NELL1: variants seen among roughly 807,000 people sequenced by gnomAD.
The protein encoded by NELL1 is neural EGFL like 1.
NELL1 carries 76 observed loss-of-function variants against 107.4 expected under a neutral mutation model. That is an observed-to-expected ratio of 0.71 (90% CI 0.59 to 0.86). NELL1 has a LOEUF of 0.86. Among genes scored for constraint, NELL1 ranks in the 40% least tolerant of loss-of-function variants. The pLI is 0.00. For missense variants in NELL1, 1,024 were observed against 1,005.5 expected (o/e 1.02, Z -0.25); for synonymous variants, 353 against 341.2 (o/e 1.03, Z -0.38).
chr11:21,043,870 G>A (rs559056406), intron 12 of NELL1, among the ~76,000 whole-genome samples: 2 of 152,286 alleles, frequency 1.3e-5, no homozygotes, highest in East Asian at 3.9e-4. Flanking sequence ...AGATAATGGA[G>A]TCACTTTGAG....
intron 2 of NELL1, among the ~76,000 whole-genome samples, chr11:20,698,146 C>T (rs1264315118): frequency 6.6e-6 from 1 of 152,142 alleles, no homozygotes; most frequent in Non-Finnish European, 1.5e-5. Context: ...AATTCACATA[C>T]CAGTGTCTCC....
rs539218916 is a variant in NELL1, at chr11:21,173,363, G to T, written c.1427-55969G>T. Among the ~76,000 whole-genome samples the T allele has an allele frequency of 2.6e-3, 395 of 151,864 alleles. 9 individuals carry two copies. Among genetic ancestry groups the T allele is most frequent in the African/African-American group, 9.3e-3 (383 of 41,216 alleles). ...TAGTTCTCTGCTTTGCTTATAATTAGGAATGCACAGGGCTATCAGATTTAC... is the reference window on the plus strand; with the variant it reads ...TAGTTCTCTGCTTTGCTTATAATTATGAATGCACAGGGCTATCAGATTTAC... On this transcript the variant is annotated intron_variant, in intron 13 of 19. Coordinates refer to ENST00000357134, the MANE Select transcript of NELL1 (RefSeq NM_006157.5).
chr11:21,509,402 C>T (rs533457777), intron 15 of NELL1, among the ~76,000 whole-genome samples: 1 of 152,236 alleles, frequency 6.6e-6, no homozygotes, highest in East Asian at 1.9e-4. Context: ...TATAAAAGAA[C>T]ATATGAGCAG....
intron 12 of NELL1, among the ~76,000 whole-genome samples, chr11:21,099,950 G>A (rs1854763124): frequency 6.6e-6 from 1 of 151,792 alleles, no homozygotes; most frequent in Non-Finnish European, 1.5e-5. Context: ...AAATCAATGG[G>A]ATTTCAGTAT....
chr11:21,276,760 T>C (rs1399398315), intron 14 of NELL1, among the ~76,000 whole-genome samples: 1 of 152,212 alleles, frequency 6.6e-6, no homozygotes, highest in South Asian at 2.1e-4. Context: ...TACAACCATC[T>C]GATCTTTGAC....
At chr11:20,975,430 T>A (rs1356340665) in intron 12 of NELL1, among the ~76,000 whole-genome samples, 1 of 151,150 alleles carries the variant, frequency 6.6e-6, no homozygotes, top group East Asian at 1.9e-4. Flanking sequence ...CACTGTTTAT[T>A]GTATGATTAG....
chr11:21,082,043 C>G (rs1347916319), intron 12 of NELL1, among the ~76,000 whole-genome samples: 1 of 152,136 alleles, frequency 6.6e-6, no homozygotes, highest in African/African-American at 2.4e-5. Context: ...CTAACAGCAA[C>G]TTGAACTATT....
intron 15 of NELL1, among the ~76,000 whole-genome samples, chr11:21,518,400 G>A (rs552928641): frequency 6.6e-6 from 1 of 152,058 alleles, no homozygotes; most frequent in Non-Finnish European, 1.5e-5. Context: ...ATTTGGAGGT[G>A]AATTATCTTA....
intron 6 of NELL1, among the ~76,000 whole-genome samples, chr11:20,918,755 G>A (rs1850313707): frequency 6.6e-6 from 1 of 151,916 alleles, no homozygotes; most frequent in African/African-American, 2.4e-5. Context: ...GGGAATTATG[G>A]GAGCTACAAT....
At chr11:21,116,004 C>A (rs1855227120) in intron 13 of NELL1, among the ~76,000 whole-genome samples, 1 of 151,888 alleles carries the variant, frequency 6.6e-6, no homozygotes, top group African/African-American at 2.4e-5. Context: ...AACAAAACTT[C>A]TTAATTTGCC....
At chr11:21,421,848 A>C (rs936061969) in intron 15 of NELL1, among the ~76,000 whole-genome samples, 1 of 152,220 alleles carries the variant, frequency 6.6e-6, no homozygotes, top group African/African-American at 2.4e-5. Context: ...GATACATTAT[A>C]ATCAAACCGT....
At chr11:20,968,355 G>GA (rs1205891594) in intron 12 of NELL1, among the ~76,000 whole-genome samples, 1 of 136,954 alleles carries the variant, frequency 7.3e-6, no homozygotes, top group Non-Finnish European at 1.5e-5. Context: ...CTTAAAGAAA[G>GA]AAAGGAAGGA....
chr11:21,411,096 T>C (rs1254219808), intron 15 of NELL1, among the ~76,000 whole-genome samples: 1 of 152,070 alleles, frequency 6.6e-6, no homozygotes, highest in East Asian at 1.9e-4. Context: ...TCAAGGGAGA[T>C]ATAGCACTTT....
At chr11:21,011,138 A>G (rs1017787323) in intron 12 of NELL1, among the ~76,000 whole-genome samples, 3 of 152,070 alleles carry the variant, frequency 2.0e-5, no homozygotes, top group Admixed American at 2.0e-4. Flanking sequence ...CCAGCTGGCA[A>G]TTTTATTTCC....
intron 2 of NELL1, among the ~76,000 whole-genome samples, chr11:20,731,391 G>C (rs1050605459): frequency 6.6e-6 from 1 of 152,278 alleles, no homozygotes; most frequent in South Asian, 2.1e-4. Context: ...AGGGGAGAGA[G>C]TAGGAACCTT....
At chr11:21,297,327 A>G (rs187088007) in intron 14 of NELL1, among the ~76,000 whole-genome samples, 22 of 152,180 alleles carry the variant, frequency 1.4e-4, no homozygotes, top group African/African-American at 5.1e-4. Context: ...GAGCACACCT[A>G]TGGTACTTCA....
At chr11:20,670,368 C>T (rs1363709957) in intron 1 of NELL1, 2 of 152,526 alleles carry the variant, frequency 1.3e-5, no homozygotes, top group African/African-American at 2.4e-5. Context: ...TGTCTTTGCT[C>T]CCAAGGGCTG....
chr11:21,464,618 C>A (rs774280734), intron 15 of NELL1, among the ~76,000 whole-genome samples: 5 of 151,928 alleles, frequency 3.3e-5, no homozygotes, highest in African/African-American at 4.8e-5. Flanking sequence ...TGTTGGGGAC[C>A]ACTGGACCAC....
chr11:21,067,112 C>G (rs1414670867), intron 12 of NELL1, among the ~76,000 whole-genome samples: 4 of 152,000 alleles, frequency 2.6e-5, no homozygotes, highest in African/African-American at 9.7e-5. Flanking sequence ...ACCTTTTCTC[C>G]CTTCACAGTA....
Sources: allele counts gnomAD v4.1 joint callset (sites outside exome capture counted in the v4.1 genomes callset), GRCh38; gene constraint gnomAD v4.1.1; transcripts MANE v1.5; gene names NCBI Gene and HGNC (gene_info 2026-07-23, HGNC 2026-07-21).